The following TCF24 variants were observed in gnomAD, a reference collection of about 807,000 sequenced individuals.
TCF24 encodes transcription factor 24.
Under a neutral mutation model 9.3 loss-of-function variants are expected in TCF24, and 5 were observed. The ratio of observed to expected loss-of-function variants is 0.54; its 90% CI spans 0.28 to 1.13. The LOEUF (loss-of-function observed/expected upper bound fraction) is 1.13. TCF24 is among the 50% of genes most tolerant of loss of function. The pLI is 0.09. For missense variants in TCF24, 220 were observed against 236.1 expected, an observed-to-expected ratio of 0.93 and a Z score of 0.45; for synonymous variants, 110 against 115.8, an observed-to-expected ratio of 0.95 and a Z score of 0.32.
intron 3 of TCF24, among the ~76,000 whole-genome samples, chr8:66,948,460 A>G (rs1047978953): frequency 3.9e-5 from 6 of 152,238 alleles, no homozygotes; most frequent in African/African-American, 1.4e-4. Context: ...AGAAAAATAT[A>G]TCTGCCCGTA....
chr8:66,948,683 C>G (rs1814003546), intron 3 of TCF24, among the ~76,000 whole-genome samples: 1 of 150,818 alleles, frequency 6.6e-6, no homozygotes. Flanking sequence ...ATCTATCTAT[C>G]TATCTATCTA....
At chr8:66,954,040 A>T (rs1000100945) in intron 3 of TCF24, among the ~76,000 whole-genome samples, 2 of 152,060 alleles carry the variant, frequency 1.3e-5, no homozygotes, top group African/African-American at 4.8e-5. Flanking sequence ...CTTTGGTTTG[A>T]ATGTCCTCCC....
chr8:66,954,741 G>T (rs1225238375), intron 3 of TCF24, among the ~76,000 whole-genome samples: 3 of 152,262 alleles, frequency 2.0e-5, no homozygotes, highest in Non-Finnish European at 4.4e-5. Context: ...CTAGCAATCA[G>T]TGAGACTCCG....
intron 3 of TCF24, among the ~76,000 whole-genome samples, 165 bp from the exon 4 acceptor site, chr8:66,948,329 A>C (rs1261712322): frequency 6.6e-6 from 1 of 152,236 alleles, no homozygotes; most frequent in Non-Finnish European, 1.5e-5. Flanking sequence ...AAAAATGTTT[A>C]TTAATGCTAA....
intron 3 of TCF24, among the ~76,000 whole-genome samples, chr8:66,953,277 T>G (rs1400984290): frequency 7.9e-5 from 12 of 151,870 alleles, no homozygotes; most frequent in African/African-American, 1.4e-4. Context: ...AGGAGCTCTT[T>G]TAGGGCGGGC....
intron 3 of TCF24, among the ~76,000 whole-genome samples, chr8:66,951,744 A>C (rs1398234628): frequency 6.6e-6 from 1 of 151,944 alleles, no homozygotes; most frequent in Admixed American, 6.6e-5. Flanking sequence ...TTGGTTGGTA[A>C]ACTATTGATT....
chr8:66,958,809 A>G (rs780825316), intron 3 of TCF24, among the ~76,000 whole-genome samples: 1 of 152,338 alleles, frequency 6.6e-6, no homozygotes, highest in Non-Finnish European at 1.5e-5. Context: ...TTTTCTGCCA[A>G]TGTAGAGATC....
chr8:66,954,406 G>T (rs1318269578), intron 3 of TCF24, among the ~76,000 whole-genome samples: 1 of 152,156 alleles, frequency 6.6e-6, no homozygotes, highest in South Asian at 2.1e-4. Flanking sequence ...TAGGCTGCTC[G>T]GGGGTCAGGG....
intron 3 of TCF24, among the ~76,000 whole-genome samples, chr8:66,952,854 CTTCT>C (rs1238471663): frequency 1.2e-4 from 18 of 145,622 alleles, no homozygotes; most frequent in African/African-American, 3.3e-4. Context: ...ATGTAATGGC[CTTCT>C]TTGTCTCTTT....
At chr8:66,952,582 G>T (rs1015764661) in intron 3 of TCF24, among the ~76,000 whole-genome samples, 1 of 151,626 alleles carries the variant, frequency 6.6e-6, no homozygotes, top group Non-Finnish European at 1.5e-5. Flanking sequence ...TTGATTTGGG[G>T]TGGAGAGTTC....
At chr8:66,960,442 G>A (rs1305104951) in intron 3 of TCF24, among the ~76,000 whole-genome samples, 1 of 151,952 alleles carries the variant, frequency 6.6e-6, no homozygotes, top group African/African-American at 2.4e-5. Context: ...GTGTGTGCGC[G>A]CGTGTGGCCA....
rs986922955 is a variant in TCF24 at position 66,950,585 on chromosome 8, G to A, written c.391-2421C>T. Among the ~76,000 whole-genome samples the A allele has an allele frequency of 6.7e-3, 1,018 of 151,960 alleles. 8 individuals are homozygous for A. Among genetic ancestry groups the A allele is most frequent in the Non-Finnish European group, 0.01 (688 of 67,882 alleles). ...CCTTGGCGATGCGGGCTCTTTTTTG[G>A]TTCCATATGAACTTTAAAGTAGTTT... On this transcript the variant is annotated intron_variant, in intron 3 of 3. Transcript: ENST00000563496.
At chr8:66,953,969 G>C (rs1814105324) in intron 3 of TCF24, among the ~76,000 whole-genome samples, 1 of 151,246 alleles carries the variant, frequency 6.6e-6, no homozygotes, top group Non-Finnish European at 1.5e-5. Context: ...GCACTTCTCT[G>C]TATTGGTTAT....
intron 3 of TCF24, among the ~76,000 whole-genome samples, chr8:66,952,282 C>G (rs1168865740): frequency 4.4e-5 from 6 of 136,524 alleles, no homozygotes; most frequent in Admixed American, 2.3e-4. Context: ...CCCAGAGATT[C>G]TGGTATGTTG....
intron 3 of TCF24, among the ~76,000 whole-genome samples, chr8:66,952,635 AT>A (rs1482887148): frequency 6.7e-6 from 1 of 149,594 alleles, no homozygotes; most frequent in Non-Finnish European, 1.5e-5. Context: ...GCTGAGTTCA[AT>A]TCCTGGGTAT....
Position 66,947,963 on chromosome 8 carries a change from G to C in TCF24, c.*88C>G. On this transcript the variant is annotated 3_prime_UTR_variant, in exon 4 of 4. Transcript: ENST00000563496. ...TCACATGTAAACTTTCAGAAATTTT[G>C]TTATGTCTCATATAATAAATATAGA... 2.1e-6 allele frequency: 2 copies of C among 974,314 alleles called. No homozygotes were observed. Among genetic ancestry groups the C allele is most frequent in the Non-Finnish European group, 2.9e-6 (2 of 692,038 alleles). 60.4% of individuals were successfully genotyped at this position (974,314 alleles called of 1,614,324 possible). A position where few individuals can be genotyped will look rare whatever the true frequency, so the allele number is the denominator to read the frequency against.
intron 3 of TCF24, among the ~76,000 whole-genome samples, chr8:66,955,565 T>C (rs2130900442): frequency 6.6e-6 from 1 of 152,272 alleles, no homozygotes; most frequent in South Asian, 2.1e-4. Context: ...AGTGCTCAAA[T>C]AGAGGTACAA....
intron 3 of TCF24, among the ~76,000 whole-genome samples, chr8:66,953,828 C>T (rs1489035198): frequency 2.0e-3 from 311 of 151,948 alleles, no homozygotes; most frequent in African/African-American, 6.9e-3. Context: ...CTTCCCTTCT[C>T]GCTTCATTTC....
At chr8:66,949,616 A>G (rs1319562310) in intron 3 of TCF24, among the ~76,000 whole-genome samples, 2 of 152,168 alleles carry the variant, frequency 1.3e-5, no homozygotes, top group African/African-American at 2.4e-5. Flanking sequence ...TTGGGTATAT[A>G]CCCAGTAATG....
Sources: allele counts gnomAD v4.1 joint callset (sites outside exome capture counted in the v4.1 genomes callset), GRCh38; gene constraint gnomAD v4.1.1; transcripts MANE v1.5; gene names NCBI Gene and HGNC (gene_info 2026-07-23, HGNC 2026-07-21).